The following HPSE2 variants were observed in gnomAD, a reference collection of about 807,000 sequenced individuals.
The protein encoded by HPSE2 is heparanase 2 (inactive).
In HPSE2, 38 loss-of-function variants were observed where a neutral mutation model predicts 60.5. The observed-to-expected ratio is 0.63, with a 90% confidence interval of 0.48 to 0.82. HPSE2 has a LOEUF of 0.82. HPSE2 is among the 40% of genes least tolerant of loss of function. The pLI, the probability that HPSE2 is intolerant of heterozygous loss-of-function variation, is 0.00. For synonymous variants in HPSE2, 295 were observed against 293.2 expected (o/e 1.01, Z -0.06); for missense variants, 713 against 740.4 (o/e 0.96, Z 0.43).
rs187104352 is a variant in HPSE2 at position 98,778,861 on chromosome 10, T to C, written c.611-34805A>G. ...TGAATAAATTACAAAGGAGATTAAA[T>C]TTTAGCAAAGAAGAGATTTTCTTAG... is the stretch of plus-strand genomic sequence containing the variant. On this transcript the variant is annotated intron_variant, in intron 3 of 11. Transcript: ENST00000370552. Among the ~76,000 whole-genome samples, 7 of 152,264 alleles carry C rather than the reference T, an allele frequency of 4.6e-5. No individual in the cohort carries two copies. The East Asian group carries it at 1.3e-3, about 29-fold the overall frequency.
chr10:98,884,020 T>G (rs2134894770), intron 3 of HPSE2, among the ~76,000 whole-genome samples: 1 of 152,190 alleles, frequency 6.6e-6, no homozygotes, highest in Non-Finnish European at 1.5e-5. Context: ...AATAGAAATT[T>G]CTACTCCAGT....
intron 6 of HPSE2, among the ~76,000 whole-genome samples, chr10:98,654,425 T>A (rs1031566664): frequency 6.6e-6 from 1 of 152,244 alleles, no homozygotes. Flanking sequence ...TTCATTCTTT[T>A]ACCTTTCTGA....
At position 98,941,810 on chromosome 10, in the gene HPSE2, T is replaced by C. The variant is rs1273421085; in HGVS notation, c.611-197754A>G. Among the ~76,000 whole-genome samples, 20 of 135,874 alleles carry C rather than the reference T, an allele frequency of 1.5e-4. No homozygotes were observed. In the South Asian group the frequency reaches 2.9e-3, roughly 20 times the overall value. 89.1% of individuals were successfully genotyped at this position (135,874 alleles called of 152,430 possible). A position where few individuals can be genotyped will look rare whatever the true frequency, so the allele number is the denominator to read the frequency against. ...CAAAAGAACAAAGCTGGAGGCATCATGCTACCTGACTTCAAACTATACTAC... is the reference window on the plus strand; with the variant it reads ...CAAAAGAACAAAGCTGGAGGCATCACGCTACCTGACTTCAAACTATACTAC... On this transcript the variant is annotated intron_variant, in intron 3 of 11. Coordinates refer to ENST00000370552, the MANE Select transcript of HPSE2 (RefSeq NM_021828.5).
chr10:99,106,234 C>G (rs1345575721), intron 3 of HPSE2, among the ~76,000 whole-genome samples: 1 of 138,788 alleles, frequency 7.2e-6, no homozygotes, highest in East Asian at 2.1e-4. Context: ...GTTCTCCAAT[C>G]CATGATCATA....
At chr10:98,727,141 C>T (rs950139466) in intron 4 of HPSE2, among the ~76,000 whole-genome samples, 2 of 152,026 alleles carry the variant, frequency 1.3e-5, no homozygotes, top group African/African-American at 4.8e-5. Context: ...GGGAGACAGA[C>T]TCTATAGAGT....
At chr10:98,907,400 C>T (rs981994232) in intron 3 of HPSE2, among the ~76,000 whole-genome samples, 6 of 152,258 alleles carry the variant, frequency 3.9e-5, no homozygotes, top group Middle Eastern at 3.4e-3. Flanking sequence ...ACTGAAGAGG[C>T]TGAAGCAGGA....
At chr10:99,021,882 G>C (rs1957271352) in intron 3 of HPSE2, among the ~76,000 whole-genome samples, 1 of 150,936 alleles carries the variant, frequency 6.6e-6, no homozygotes, top group Non-Finnish European at 1.5e-5. Flanking sequence ...GGCACTCATT[G>C]TACCTGTTTT....
chr10:98,685,168 G>C (rs964302269), intron 6 of HPSE2, among the ~76,000 whole-genome samples: 1 of 152,000 alleles, frequency 6.6e-6, no homozygotes, highest in Non-Finnish European at 1.5e-5. Context: ...TATGTTTTGA[G>C]GCATTTCAAA....
chr10:98,652,968 G>A (rs1430612473), intron 6 of HPSE2, among the ~76,000 whole-genome samples: 1 of 152,064 alleles, frequency 6.6e-6, no homozygotes, highest in African/African-American at 2.4e-5. Flanking sequence ...ATCTACCTAG[G>A]TTTTTAAGCC....
chr10:98,703,250 G>A (rs963284113), intron 5 of HPSE2, among the ~76,000 whole-genome samples: 3 of 152,130 alleles, frequency 2.0e-5, no homozygotes, highest in Non-Finnish European at 4.4e-5. Context: ...TTGAATCCCT[G>A]AATAAACCAA....
the HPSE2 span, among the ~76,000 whole-genome samples, chr10:99,312,047 G>A: frequency 3.2e-3 from 491 of 152,318 alleles, no homozygotes; most frequent in Non-Finnish European, 5.8e-3. Flanking sequence ...TATGAAGGCT[G>A]AGAGAGGTGA....
At chr10:98,686,985 C>A (rs1487971555) in intron 6 of HPSE2, among the ~76,000 whole-genome samples, 1 of 152,104 alleles carries the variant, frequency 6.6e-6, no homozygotes, top group Non-Finnish European at 1.5e-5. Context: ...TTAATCTAGT[C>A]CTGTTAATTA....
intron 3 of HPSE2, among the ~76,000 whole-genome samples, chr10:98,891,915 C>T (rs139429851): frequency 4.3e-4 from 65 of 152,022 alleles, no homozygotes; most frequent in Middle Eastern, 3.4e-3. Flanking sequence ...GGAATACACA[C>T]GTGTGCCACC....
intron 7 of HPSE2, among the ~76,000 whole-genome samples, chr10:98,635,460 A>G (rs537882536): frequency 2.2e-4 from 34 of 152,310 alleles, no homozygotes; most frequent in African/African-American, 7.9e-4. Context: ...ACAATAGTCA[A>G]GTTATGAAAT....
At chr10:99,023,175 C>T (rs774838800) in intron 3 of HPSE2, among the ~76,000 whole-genome samples, 6 of 151,992 alleles carry the variant, frequency 3.9e-5, no homozygotes, top group Non-Finnish European at 7.4e-5. Flanking sequence ...CTTAAGAGCC[C>T]GTGGGTCTTA....
At chr10:98,991,238 G>A (rs571783386) in intron 3 of HPSE2, among the ~76,000 whole-genome samples, 2 of 152,166 alleles carry the variant, frequency 1.3e-5, no homozygotes, top group Non-Finnish European at 2.9e-5. Flanking sequence ...AATGTGAAGA[G>A]AAATAAAGGA....
chr10:98,508,408 G>A (rs983499603), intron 9 of HPSE2, among the ~76,000 whole-genome samples: 2 of 152,166 alleles, frequency 1.3e-5, no homozygotes, highest in African/African-American at 4.8e-5. Flanking sequence ...TGTGTTCCCC[G>A]AGGTCTAAGA....
intron 2 of HPSE2, among the ~76,000 whole-genome samples, chr10:99,202,319 A>C (rs1848602036): frequency 6.6e-6 from 1 of 152,200 alleles, no homozygotes; most frequent in African/African-American, 2.4e-5. Context: ...TAAATGTTAT[A>C]AGGGTATTCA....
At chr10:99,274,939 C>A in the HPSE2 span, among the ~76,000 whole-genome samples, 3 of 152,174 alleles carry the variant, frequency 2.0e-5, no homozygotes, top group Non-Finnish European at 4.4e-5. Flanking sequence ...GAATAAAATT[C>A]TTCAAGGGCA....
Sources: allele counts gnomAD v4.1 joint callset (sites outside exome capture counted in the v4.1 genomes callset), GRCh38; gene constraint gnomAD v4.1.1; transcripts MANE v1.5; gene names NCBI Gene and HGNC (gene_info 2026-07-23, HGNC 2026-07-21).